The following SHISA9 variants were observed in gnomAD, a reference collection of about 807,000 sequenced individuals.
The protein encoded by SHISA9 is protein shisa-9.
SHISA9 carries 13 observed loss-of-function variants against 38.0 expected under a neutral mutation model. The observed-to-expected ratio is 0.34, with a 90% CI of 0.22 to 0.54. The LOEUF is 0.54. Ranked by LOEUF, SHISA9 falls within the 20% of genes least tolerant of loss-of-function variation. The pLI is 0.91. For missense variants in SHISA9, 538 were observed against 575.8 expected, an observed-to-expected ratio of 0.93 and a Z score of 0.67; for synonymous variants, 275 against 242.0, an observed-to-expected ratio of 1.14 and a Z score of -1.27.
At chr16:12,973,094 C>G (rs2072106517) in intron 2 of SHISA9, among the ~76,000 whole-genome samples, 1 of 152,158 alleles carries the variant, frequency 6.6e-6, no homozygotes, top group South Asian at 2.1e-4. Flanking sequence ...CCAGCCTGGG[C>G]AACAGAGCAA....
chr16:13,408,203 T>G, the SHISA9 span, among the ~76,000 whole-genome samples: 1 of 152,180 alleles, frequency 6.6e-6, no homozygotes, highest in Admixed American at 6.5e-5. Context: ...TTTTACACAC[T>G]TGTGGGGTAT....
At chr16:13,529,918 G>T in the SHISA9 span, among the ~76,000 whole-genome samples, 21 of 152,326 alleles carry the variant, frequency 1.4e-4, 1 homozygote, top group Admixed American at 5.9e-4. Flanking sequence ...TCAGGAATGG[G>T]CATGTGACAT....
chr16:13,204,170 T>TATC lies in SHISA9; in HGVS notation c.847+621_847+622insATC, dbSNP rs1567247364. On this transcript the variant is annotated intron_variant, in intron 3 of 4. Coordinates refer to ENST00000558583, the MANE Select transcript of SHISA9 (RefSeq NM_001145204.3). ...TCTATCTATCTATCTATCTATCTAT[T>TATC]TATCTATCATCTTTCTATCTACCTA... Among the ~76,000 whole-genome samples the TATC allele has an allele frequency of 7.7e-4, 87 of 112,912 alleles. 1 individual carries two copies. Among genetic ancestry groups the TATC allele is most frequent in the South Asian group, 3.9e-3 (11 of 2,836 alleles). 74.1% of individuals were successfully genotyped at this position (112,912 alleles called of 152,430 possible).
chr16:13,046,155 T>C (rs532139890), intron 2 of SHISA9, among the ~76,000 whole-genome samples: 1 of 90,380 alleles, frequency 1.1e-5, no homozygotes, highest in East Asian at 2.2e-4. Flanking sequence ...GGTTTTCCTC[T>C]GTGACTGACT....
At chr16:13,486,374 A>G in the SHISA9 span, among the ~76,000 whole-genome samples, 1 of 152,318 alleles carries the variant, frequency 6.6e-6, no homozygotes, top group African/African-American at 2.4e-5. Context: ...CAGCCACATT[A>G]CTGTCTTGGC....
At chr16:13,363,283 C>G in the SHISA9 span, among the ~76,000 whole-genome samples, 4 of 152,202 alleles carry the variant, frequency 2.6e-5, no homozygotes, top group Non-Finnish European at 4.4e-5. Context: ...CCCCTCTGGA[C>G]TATAGTATCT....
At chr16:13,524,249 C>T in the SHISA9 span, among the ~76,000 whole-genome samples, 1 of 152,176 alleles carries the variant, frequency 6.6e-6, no homozygotes, top group Non-Finnish European at 1.5e-5. Context: ...ACATTGCCCC[C>T]GGCTGTCCTG....
At chr16:13,217,119 A>G (rs1253767950) in intron 4 of SHISA9, among the ~76,000 whole-genome samples, 2 of 151,156 alleles carry the variant, frequency 1.3e-5, no homozygotes, top group African/African-American at 4.9e-5. Context: ...AAAATACAAA[A>G]AAAAAAAAAA....
At chr16:13,490,458 G>C in the SHISA9 span, among the ~76,000 whole-genome samples, 1 of 152,184 alleles carries the variant, frequency 6.6e-6, no homozygotes, top group Non-Finnish European at 1.5e-5. Context: ...TCAGCTCCTT[G>C]GGAGGATGAG....
the SHISA9 span, among the ~76,000 whole-genome samples, chr16:13,428,132 A>G: frequency 6.6e-6 from 1 of 152,326 alleles, no homozygotes; most frequent in East Asian, 1.9e-4. Context: ...AGAAGATGCA[A>G]ACTGTGTGGT....
intron 2 of SHISA9, among the ~76,000 whole-genome samples, chr16:13,071,579 C>CCCTTCCTTCCTTCCTTCCTCCCTT (rs2073516069): frequency 1.8e-5 from 2 of 113,486 alleles, no homozygotes; most frequent in African/African-American, 1.2e-4. Flanking sequence ...CTCCCTTCCT[C>CCCTTCCTTCCTTCCTTCCTCCCTT]CCTTCCTTCC....
the SHISA9 span, among the ~76,000 whole-genome samples, chr16:13,276,305 C>A: frequency 7.1e-6 from 1 of 140,216 alleles, no homozygotes; most frequent in Non-Finnish European, 1.5e-5. Context: ...GTTTCTTTAT[C>A]CACTCGTTGA....
chr16:13,098,737 C>G (rs952801308), intron 2 of SHISA9, among the ~76,000 whole-genome samples: 1 of 152,176 alleles, frequency 6.6e-6, no homozygotes. Context: ...GTTGCTGCCT[C>G]CAGGAACGGA....
chr16:13,127,392 G>A (rs1029680479), intron 2 of SHISA9, among the ~76,000 whole-genome samples: 4 of 145,832 alleles, frequency 2.7e-5, no homozygotes, highest in African/African-American at 1.0e-4. Flanking sequence ...GAGGGAGAGA[G>A]AGGAAGAGAG....
At chr16:13,222,765 A>G (rs1010972115) in intron 4 of SHISA9, among the ~76,000 whole-genome samples, 1 of 151,714 alleles carries the variant, frequency 6.6e-6, no homozygotes, top group Non-Finnish European at 1.5e-5. Context: ...TTACTTCTAC[A>G]CTGCACTCCA....
At chr16:13,019,999 CCTTCCT>C (rs2072831514) in intron 2 of SHISA9, among the ~76,000 whole-genome samples, 2 of 131,918 alleles carry the variant, frequency 1.5e-5, no homozygotes, top group Non-Finnish European at 3.2e-5. Context: ...TTCCTTCCTT[CCTTCCT>C]TCCTTCCCTC....
At chr16:13,097,391 C>T (rs2073838428) in intron 2 of SHISA9, among the ~76,000 whole-genome samples, 1 of 151,840 alleles carries the variant, frequency 6.6e-6, no homozygotes, top group African/African-American at 2.4e-5. Flanking sequence ...CGGTGGAATG[C>T]CCGACATCAT....
At chr16:13,522,793 G>C in the SHISA9 span, among the ~76,000 whole-genome samples, 1 of 152,138 alleles carries the variant, frequency 6.6e-6, no homozygotes, top group African/African-American at 2.4e-5. Flanking sequence ...AGGGCAGCTA[G>C]TTTACAGCCA....
intron 2 of SHISA9, among the ~76,000 whole-genome samples, chr16:13,005,740 T>C (rs1397724344): frequency 6.6e-6 from 1 of 152,174 alleles, no homozygotes; most frequent in Non-Finnish European, 1.5e-5. Flanking sequence ...GTGTTGACCT[T>C]GCCCAACCAC....
Sources: gnomAD v4.1 joint callset for allele counts (sites outside exome capture counted in the v4.1 genomes callset) on GRCh38, gnomAD v4.1.1 for gene constraint, MANE v1.5 for transcripts, NCBI Gene and HGNC (gene_info 2026-07-23, HGNC 2026-07-21) for gene names.